Variants in TRDMT1 observed in about 807,000 individuals in gnomAD.
TRDMT1 encodes tRNA aspartic acid methyltransferase 1.
TRDMT1 carries 49 observed loss-of-function variants against 51.2 expected under a neutral mutation model. The observed-to-expected ratio is 0.96, with a 90% CI of 0.76 to 1.21. The LOEUF (loss-of-function observed/expected upper bound fraction) is 1.21. Among genes scored for constraint, TRDMT1 ranks in the 50% most tolerant of loss-of-function variants. The pLI is 0.00. For synonymous variants in TRDMT1, 187 were observed against 164.6 expected, an observed-to-expected ratio of 1.14 and a Z score of -1.04; for missense variants, 534 against 462.3, an observed-to-expected ratio of 1.16 and a Z score of -1.42.
At position 17,169,487 on chromosome 10, in the gene TRDMT1, A is replaced by G. The variant is rs749769823; in HGVS notation, c.175-570T>C. The G allele has an allele frequency of 1.2e-5, 16 of 1,289,724 alleles. No homozygotes were observed. The East Asian group carries it at 2.8e-4, about 22-fold the overall frequency. The allele number at this position is 1,289,724 out of a possible 1,614,324, so 79.9% of individuals were successfully genotyped here. On this transcript the variant is annotated intron_variant, in intron 2 of 10. Transcript: ENST00000377799. ...AAATGACTGTTGACAAGATGCATCA[A>G]AAGAATTCCTAATGGGCTAAGTAGC...
At position 17,168,823 on chromosome 10, in the gene TRDMT1, A is replaced by G. The variant is rs17464824; in HGVS notation, c.251+18T>C. 1 of 1,565,386 alleles carries G rather than the reference A, an allele frequency of 6.4e-7. No individual in the cohort carries two copies. The highest frequency in any genetic ancestry group is 8.8e-7 in the Non-Finnish European group (1 of 1,141,580). The stretch of plus-strand genomic sequence containing the variant: ...TGAAAATGGACCAATACAACACTGA[A>G]ATATTTATGACACATACCTTGTGAA... On this transcript the variant is annotated intron_variant, in intron 3 of 10. Transcript: ENST00000377799.
intron 2 of TRDMT1, chr10:17,171,849 C>A (rs1397871135): frequency 1.3e-5 from 2 of 154,688 alleles, no homozygotes; most frequent in East Asian, 3.8e-4. Flanking sequence ...ATGCAGTCAT[C>A]TGTTCCAGAA....
intron 1 of TRDMT1, among the ~76,000 whole-genome samples, chr10:17,185,189 T>C (rs1843723904): frequency 6.6e-6 from 1 of 152,364 alleles, no homozygotes; most frequent in African/African-American, 2.4e-5. Context: ...CCATTATTAT[T>C]ATTGAAAGTG....
chr10:17,192,311 G>T (rs1208660964), intron 1 of TRDMT1, among the ~76,000 whole-genome samples: 2 of 152,060 alleles, frequency 1.3e-5, no homozygotes, highest in African/African-American at 4.8e-5. Flanking sequence ...GTTTTGGAAG[G>T]GATCAGAGAC....
intron 8 of TRDMT1, among the ~76,000 whole-genome samples, chr10:17,156,672 T>C (rs1050307029): frequency 6.6e-6 from 1 of 152,180 alleles, no homozygotes; most frequent in African/African-American, 2.4e-5. Context: ...AAGTAAATTA[T>C]ATAATATACC....
intron 1 of TRDMT1, among the ~76,000 whole-genome samples, chr10:17,190,577 AAAG>A (rs1360185252): frequency 6.6e-6 from 1 of 152,378 alleles, no homozygotes; most frequent in Non-Finnish European, 1.5e-5. Flanking sequence ...TTTTAAATAA[AAAG>A]AACAAAAATG....
chr10:17,150,347 G>C (rs920734393), intron 10 of TRDMT1: 4 of 972,954 alleles, frequency 4.1e-6, no homozygotes, highest in African/African-American at 3.5e-5. Context: ...TTGTTGAATG[G>C]TAAGAGTCCT....
chr10:17,141,136 C>T lies in TRDMT1; in HGVS notation c.*7904G>A, dbSNP rs776683966. On this transcript the variant is annotated 3_prime_UTR_variant, in exon 11 of 11. Coordinates refer to ENST00000377799, the MANE Select transcript of TRDMT1 (RefSeq NM_004412.7). ...AATTGTGTCCCCCGCCCCATGGCAA[C>T]GTGTCATTTTTCTCCAGCTGCTTTT... Among the ~76,000 whole-genome samples, 18 of 152,252 alleles carry T rather than the reference C, an allele frequency of 1.2e-4. No homozygotes were observed. In the East Asian group the frequency reaches 2.9e-3, roughly 25 times the overall value.
In TRDMT1 at chr10:17,141,767, G is replaced by A. The variant is rs574370583; in HGVS notation, c.*7273C>T. On this transcript the variant is annotated 3_prime_UTR_variant, in exon 11 of 11. Coordinates refer to ENST00000377799, the MANE Select transcript of TRDMT1 (RefSeq NM_004412.7). ...AGATATAAATGTACAGATTCAAGAA[G>A]GTGAATGAACACCAAACAGGATATT... Among the ~76,000 whole-genome samples the A allele has an allele frequency of 1.4e-4, 22 of 152,156 alleles. No individual in the cohort carries two copies. In the East Asian group the frequency reaches 3.3e-3, roughly 23 times the overall value.
rs1007539771 is a variant in TRDMT1, at chr10:17,141,555, C to T, written c.*7485G>A. Among the ~76,000 whole-genome samples the T allele has an allele frequency of 6.6e-5, 10 of 152,102 alleles. No individual in the cohort carries two copies. On this transcript the variant is annotated 3_prime_UTR_variant, in exon 11 of 11. Transcript: ENST00000377799. ...ATTTTTTTCCCCTCTACTTCTGGCACCCCAAACATATAAATGTTGGTTCTT... is the reference window on the plus strand; with the variant it reads ...ATTTTTTTCCCCTCTACTTCTGGCATCCCAAACATATAAATGTTGGTTCTT...
chr10:17,167,658 GAAGA>G (rs1841397949), intron 3 of TRDMT1, among the ~76,000 whole-genome samples: 1 of 152,024 alleles, frequency 6.6e-6, no homozygotes, highest in African/African-American at 2.4e-5. Context: ...TTTTTTAAAT[GAAGA>G]GTTTATAACG....
At chr10:17,152,065 C>T in intron 10 of TRDMT1, 2 of 1,301,528 alleles carry the variant, frequency 1.5e-6, no homozygotes, top group Non-Finnish European at 2.0e-6. Flanking sequence ...TAGTTAATCT[C>T]TTTTCTGTCT....
At position 17,140,498 on chromosome 10, in the gene TRDMT1, A is replaced by G. The variant is rs1042228207; in HGVS notation, c.*8542T>C. On this transcript the variant is annotated 3_prime_UTR_variant, in exon 11 of 11. Coordinates refer to ENST00000377799, the MANE Select transcript of TRDMT1 (RefSeq NM_004412.7). ...TATTAGGTACCCACTATCTGTCAGC[A>G]TCTGAGAAAGGTACTGAGGATACAC... Among the ~76,000 whole-genome samples, 12 of 152,190 alleles carry G rather than the reference A, an allele frequency of 7.9e-5. No individual in the cohort carries two copies. The highest frequency in any genetic ancestry group is 7.9e-4 in the Admixed American group (12 of 15,272).
At chr10:17,197,989 G>A (rs190524606) in intron 1 of TRDMT1, among the ~76,000 whole-genome samples, 11 of 151,480 alleles carry the variant, frequency 7.3e-5, no homozygotes, top group Admixed American at 3.3e-4. Flanking sequence ...AACTGAGATC[G>A]CGCCACTGCA....
intron 3 of TRDMT1, 30 bp from the exon 4 acceptor site, chr10:17,162,267 A>C (rs1840488458): frequency 1.3e-6 from 2 of 1,533,794 alleles, no homozygotes; most frequent in Non-Finnish European, 1.8e-6. Context: ...AAAAAACAAA[A>C]AAAAACACAG....
chr10:17,191,519 C>T (rs573145379), intron 1 of TRDMT1, among the ~76,000 whole-genome samples: 5 of 152,140 alleles, frequency 3.3e-5, no homozygotes, highest in African/African-American at 9.7e-5. Flanking sequence ...TGCATTAGCA[C>T]GTCGGTCAAT....
chr10:17,197,515 G>A (rs1295941942), intron 1 of TRDMT1, among the ~76,000 whole-genome samples: 1 of 152,126 alleles, frequency 6.6e-6, no homozygotes. Context: ...CTGGGTTTGA[G>A]GCAAATCTAT....
intron 1 of TRDMT1, among the ~76,000 whole-genome samples, chr10:17,183,296 A>C (rs1314684254): frequency 6.6e-6 from 1 of 152,232 alleles, no homozygotes; most frequent in Admixed American, 6.5e-5. Context: ...GACAGAGAAA[A>C]CAGCCAATAT....
At chr10:17,191,182 G>T (rs1372894295) in intron 1 of TRDMT1, among the ~76,000 whole-genome samples, 1 of 152,132 alleles carries the variant, frequency 6.6e-6, no homozygotes, top group Non-Finnish European at 1.5e-5. Context: ...AGGAGATGTG[G>T]CCCCAGAGAG....
Sources: allele counts gnomAD v4.1 joint callset (sites outside exome capture counted in the v4.1 genomes callset), GRCh38; gene constraint gnomAD v4.1.1; transcripts MANE v1.5; gene names NCBI Gene and HGNC (gene_info 2026-07-23, HGNC 2026-07-21).